The following TRDN variants were observed in gnomAD, a reference collection of about 807,000 sequenced individuals.
The protein encoded by TRDN is triadin, also known as triadin in skeletal muscle.
Under a neutral mutation model 149.7 loss-of-function variants are expected in TRDN, and 161 were observed. The ratio of observed to expected loss-of-function variants is 1.08; its 90% CI spans 0.95 to 1.23. TRDN has a LOEUF of 1.23. Among genes scored for constraint, TRDN ranks in the 50% most tolerant of loss-of-function variants. TRDN has a pLI of 0.00. For synonymous variants in TRDN, 294 were observed against 250.5 expected (o/e 1.17, Z -1.64); for missense variants, 896 against 823.5 (o/e 1.09, Z -1.08).
intron 5 of TRDN, among the ~76,000 whole-genome samples, chr6:123,523,672 G>C (rs144337744): frequency 1.3e-5 from 2 of 152,078 alleles, no homozygotes; most frequent in African/African-American, 4.8e-5. Context: ...ATTATAGTAC[G>C]GAGGAGCTAA....
intron 1 of TRDN, among the ~76,000 whole-genome samples, chr6:123,572,897 T>C (rs149876000): frequency 6.6e-6 from 1 of 152,130 alleles, no homozygotes; most frequent in African/African-American, 2.4e-5. Flanking sequence ...CTCAAATTTC[T>C]TTAACATTTT....
intron 4 of TRDN, among the ~76,000 whole-genome samples, chr6:123,534,123 C>G (rs1042743063): frequency 3.9e-5 from 6 of 152,096 alleles, no homozygotes; most frequent in African/African-American, 1.4e-4. Context: ...AAGATACACA[C>G]ACAGTAAAGT....
chr6:123,489,624 A>G (rs1378858131), intron 9 of TRDN: 1 of 152,154 alleles, frequency 6.6e-6, no homozygotes, highest in Non-Finnish European at 1.5e-5. Flanking sequence ...CTTTATGGAA[A>G]CTTCATGATC....
At chr6:123,635,684 A>G (rs1486071144) in intron 1 of TRDN, among the ~76,000 whole-genome samples, 1 of 151,926 alleles carries the variant, frequency 6.6e-6, no homozygotes, top group Non-Finnish European at 1.5e-5. Flanking sequence ...AAAAATAAAA[A>G]CAAATATTCT....
At chr6:123,361,728 C>A (rs1780914985) in intron 20 of TRDN, among the ~76,000 whole-genome samples, 1 of 152,128 alleles carries the variant, frequency 6.6e-6, no homozygotes, top group African/African-American at 2.4e-5. Flanking sequence ...ATGTACCTGA[C>A]AAATCCCATG....
At chr6:123,521,095 C>T (rs917188955) in intron 5 of TRDN, among the ~76,000 whole-genome samples, 7 of 152,290 alleles carry the variant, frequency 4.6e-5, no homozygotes, top group East Asian at 1.9e-4. Flanking sequence ...GACTCCAATC[C>T]TGCAATTGTT....
At chr6:123,351,217 A>C in intron 21 of TRDN, 1 of 982,204 alleles carries the variant, frequency 1.0e-6, no homozygotes, top group Non-Finnish European at 1.2e-6. Context: ...ATAAGAAAAA[A>C]TGCCTAAGTA....
intron 39 of TRDN, among the ~76,000 whole-genome samples, chr6:123,223,420 T>G (rs9482365): frequency 0.022 from 3,394 of 151,832 alleles, 133 homozygotes; most frequent in African/African-American, 0.079. Context: ...AACATACACA[T>G]GTACCCCTAA....
intron 24 of TRDN, 61 bp from the exon 25 acceptor site, chr6:123,279,143 T>G: frequency 1.6e-6 from 2 of 1,288,844 alleles, no homozygotes; most frequent in Non-Finnish European, 2.2e-6. Context: ...AAATTAACAT[T>G]ATTGAATATG....
intron 1 of TRDN, among the ~76,000 whole-genome samples, chr6:123,601,290 T>C (rs775913120): frequency 5.3e-5 from 8 of 152,104 alleles, no homozygotes; most frequent in Non-Finnish European, 1.0e-4. Flanking sequence ...AGGACCAAAA[T>C]TTATCAACTT....
intron 23 of TRDN, among the ~76,000 whole-genome samples, chr6:123,325,177 A>C (rs1779395376): frequency 6.6e-6 from 1 of 152,152 alleles, no homozygotes; most frequent in Non-Finnish European, 1.5e-5. Context: ...GATTATTTTT[A>C]GTGGTTATTA....
chr6:123,221,569 T>A, intron 39 of TRDN, 47 bp from the exon 40 acceptor site: 3 of 1,284,770 alleles, frequency 2.3e-6, no homozygotes, highest in Non-Finnish European at 3.3e-6. Flanking sequence ...CATTTACAAC[T>A]TTTATATAAA....
At chr6:123,219,384 A>G (rs1454750438) in intron 40 of TRDN, among the ~76,000 whole-genome samples, 1 of 151,834 alleles carries the variant, frequency 6.6e-6, no homozygotes, top group Non-Finnish European at 1.5e-5. Flanking sequence ...TTGGTAAAAG[A>G]TGGCGAGTTT....
chr6:123,557,598 CG>C (rs1562387000), intron 2 of TRDN, among the ~76,000 whole-genome samples: 2 of 152,102 alleles, frequency 1.3e-5, no homozygotes. Flanking sequence ...GTCACGGACT[CG>C]GGAAAACAGT....
chr6:123,277,301 A>G (rs1357278232), intron 26 of TRDN, among the ~76,000 whole-genome samples: 1 of 152,088 alleles, frequency 6.6e-6, no homozygotes, highest in Non-Finnish European at 1.5e-5. Context: ...AATGGTTAGG[A>G]CTTTTAGAAA....
At chr6:123,591,094 T>C (rs565277699) in intron 1 of TRDN, among the ~76,000 whole-genome samples, 31 of 152,344 alleles carry the variant, frequency 2.0e-4, no homozygotes, top group African/African-American at 7.2e-4. Context: ...CCAGAATTAA[T>C]GCTATTACCA....
intron 1 of TRDN, among the ~76,000 whole-genome samples, chr6:123,581,020 ACAGCCTCC>A (rs1783096125): frequency 1.3e-5 from 2 of 152,152 alleles, no homozygotes; most frequent in African/African-American, 4.8e-5. Flanking sequence ...TCCTTTCCCA[ACAGCCTCC>A]CAGGCATCTG....
intron 9 of TRDN, among the ~76,000 whole-genome samples, chr6:123,491,366 G>C (rs1778210968): frequency 6.6e-6 from 1 of 152,124 alleles, no homozygotes; most frequent in Non-Finnish European, 1.5e-5. Context: ...GCTCATAGAT[G>C]ATAACTGATG....
At chr6:123,350,607 A>G in intron 21 of TRDN, 1 of 723,492 alleles carries the variant, frequency 1.4e-6, no homozygotes, top group Non-Finnish European at 1.7e-6. Context: ...TACTTCTCAT[A>G]TTACTTTATT....
Sources: allele counts gnomAD v4.1 joint callset (sites outside exome capture counted in the v4.1 genomes callset), GRCh38; gene constraint gnomAD v4.1.1; transcripts MANE v1.5; gene names NCBI Gene and HGNC (gene_info 2026-07-23, HGNC 2026-07-21).